Variants in AKAP6 observed in about 807,000 individuals in gnomAD.
The protein encoded by AKAP6 is A-kinase anchor protein 6.
A neutral mutation model predicts 188.5 loss-of-function variants in AKAP6; 58 were observed. The ratio of observed to expected loss-of-function variants is 0.31; its 90% CI spans 0.25 to 0.38. The LOEUF is 0.38. Ranked by LOEUF, AKAP6 falls within the 10% of genes least tolerant of loss-of-function variation. AKAP6 has a pLI of 1.00. For missense variants in AKAP6, 2,710 were observed against 2,740.0 expected (o/e 0.99, Z 0.24); for synonymous variants, 989 against 998.6 (o/e 0.99, Z 0.18).
At chr14:32,720,707 A>C (rs1413623541) in intron 9 of AKAP6, among the ~76,000 whole-genome samples, 1 of 152,148 alleles carries the variant, frequency 6.6e-6, no homozygotes, top group East Asian at 1.9e-4. Flanking sequence ...TGCTGAGTGC[A>C]GTGGCATGCA....
Position 32,832,219 on chromosome 14 carries a change from G to T in AKAP6, c.*2414G>T, listed in dbSNP as rs575748916. On this transcript the variant is annotated 3_prime_UTR_variant, in exon 14 of 14. Transcript: ENST00000280979. Reference sequence around the variant, plus strand: ...AAGTTTGCAATAACAGAGTACACAAGTATAGTGGCCCAGGATGTAGTGAAA... The same window carrying T: ...AAGTTTGCAATAACAGAGTACACAATTATAGTGGCCCAGGATGTAGTGAAA... The T allele has an allele frequency of 5.9e-5, 9 of 152,130 alleles. No homozygotes were observed. The highest frequency in any genetic ancestry group is 2.2e-4 in the African/African-American group (9 of 41,512). 9.4% of individuals were successfully genotyped at this position (152,130 alleles called of 1,614,324 possible).
At chr14:32,444,723 T>C (rs952604002) in intron 2 of AKAP6, among the ~76,000 whole-genome samples, 6 of 111,488 alleles carry the variant, frequency 5.4e-5, no homozygotes, top group African/African-American at 2.1e-4. Context: ...CTTTGGCAAA[T>C]TATGAAGAAG....
chr14:32,334,934 G>T (rs72666125), intron 1 of AKAP6, among the ~76,000 whole-genome samples: 8,675 of 152,276 alleles, frequency 0.057, 368 homozygotes, highest in South Asian at 0.12. Flanking sequence ...GGGAGAGAAT[G>T]TGGAACCTTT....
At chr14:32,635,880 T>C (rs75093649) in intron 7 of AKAP6, among the ~76,000 whole-genome samples, 1,557 of 152,206 alleles carry the variant, frequency 0.01, 22 homozygotes, top group African/African-American at 0.036. Flanking sequence ...TAGGATATTA[T>C]AAAGCCATGT....
At chr14:32,631,829 G>A (rs1166722168) in intron 7 of AKAP6, among the ~76,000 whole-genome samples, 1 of 152,094 alleles carries the variant, frequency 6.6e-6, no homozygotes, top group Admixed American at 6.6e-5. Flanking sequence ...CACTCTGGAT[G>A]TGGTTAGGCT....
At chr14:32,535,954 A>G in intron 3 of AKAP6, 149 bp downstream of exon 3, 2 of 1,212,130 alleles carry the variant, frequency 1.6e-6, no homozygotes, top group East Asian at 2.4e-5. Flanking sequence ...ACTAGAAGCT[A>G]GGGCACTTCC....
chr14:32,752,027 T>C (rs951374071), intron 11 of AKAP6, among the ~76,000 whole-genome samples: 14 of 152,236 alleles, frequency 9.2e-5, no homozygotes, highest in African/African-American at 3.4e-4. Context: ...TTGATTTTTC[T>C]GTCCCTTTTT....
At chr14:32,379,125 TG>T (rs1158526819) in intron 1 of AKAP6, among the ~76,000 whole-genome samples, 3 of 152,112 alleles carry the variant, frequency 2.0e-5, no homozygotes, top group Non-Finnish European at 4.4e-5. Flanking sequence ...TTCACCATGT[TG>T]GCCAGGCTGG....
intron 7 of AKAP6, 104 bp downstream of exon 7, chr14:32,600,896 G>A: frequency 9.1e-7 from 1 of 1,104,032 alleles, no homozygotes; most frequent in Non-Finnish European, 1.2e-6. Context: ...TGTTTCTACT[G>A]GGTAAACTTT....
intron 1 of AKAP6, chr14:32,373,210 G>A (rs1254566815): frequency 6.6e-6 from 1 of 152,098 alleles, no homozygotes; most frequent in Non-Finnish European, 1.5e-5. Flanking sequence ...AATTCACACA[G>A]AGCCAGCTGT....
intron 2 of AKAP6, among the ~76,000 whole-genome samples, chr14:32,469,000 T>C (rs1878616905): frequency 1.3e-5 from 2 of 152,186 alleles, no homozygotes; most frequent in Non-Finnish European, 2.9e-5. Flanking sequence ...TCTACAGTAA[T>C]GAATGCTATT....
chr14:32,629,262 T>C (rs1292302273), intron 7 of AKAP6, among the ~76,000 whole-genome samples: 2 of 152,074 alleles, frequency 1.3e-5, no homozygotes, highest in Admixed American at 6.6e-5. Flanking sequence ...GAATTGATAA[T>C]GGCCTTTTTT....
intron 12 of AKAP6, among the ~76,000 whole-genome samples, chr14:32,790,121 C>G (rs550240896): frequency 6.6e-6 from 1 of 152,128 alleles, no homozygotes; most frequent in Non-Finnish European, 1.5e-5. Flanking sequence ...GAAAGAATCT[C>G]AGAGCCTGAA....
Position 32,823,274 on chromosome 14 carries a change from G to A in AKAP6, c.5461G>A (p.Val1821Ile), listed in dbSNP as rs996541672. ...GACAAGAGATAAGAAAAGGTGCAATGTCAGTGATGAGATGAAGGGCAGTAA... is the reference window on the plus strand; with the variant it reads ...GACAAGAGATAAGAAAAGGTGCAATATCAGTGATGAGATGAAGGGCAGTAA... Reference protein sequence around the residue: ...SLTRDKKRCNVSDEMKGSKDI... With the variant: ...SLTRDKKRCNISDEMKGSKDI... Residue 1821 changes from valine (V) to isoleucine (I), a missense_variant, in exon 13 of 14, where the codon GTC becomes ATC. This residue lies in a region of AKAP6 where 2,473 missense variants were observed against 2,426.1 expected (regional missense o/e 1.02). Transcript: ENST00000280979. 1.9e-6 allele frequency: 3 copies of A among 1,613,812 alleles called. No homozygotes were observed. Among genetic ancestry groups the A allele is most frequent in the African/African-American group, 2.7e-5 (2 of 74,996 alleles).
intron 9 of AKAP6, among the ~76,000 whole-genome samples, chr14:32,728,348 T>TTCTA (rs143615571): frequency 0.11 from 16,183 of 140,930 alleles, 955 homozygotes; most frequent in Middle Eastern, 0.14. Context: ...TCTCAGTGTA[T>TTCTA]TCTATCTATC....
intron 5 of AKAP6, among the ~76,000 whole-genome samples, chr14:32,591,835 T>A (rs1885501204): frequency 6.6e-6 from 1 of 152,224 alleles, no homozygotes; most frequent in African/African-American, 2.4e-5. Context: ...CCACTTCATT[T>A]TGTTGGGGAA....
At chr14:32,795,447 A>G (rs571326277) in intron 12 of AKAP6, among the ~76,000 whole-genome samples, 4 of 152,298 alleles carry the variant, frequency 2.6e-5, no homozygotes, top group African/African-American at 9.6e-5. Context: ...CACCACAATC[A>G]AGTCACCTTT....
At chr14:32,826,375 A>G (rs1343588959) in intron 13 of AKAP6, among the ~76,000 whole-genome samples, 2 of 152,220 alleles carry the variant, frequency 1.3e-5, no homozygotes, top group African/African-American at 4.8e-5. Flanking sequence ...CTCCATCAGT[A>G]TGCAGTAAAA....
chr14:32,677,622 T>C (rs912612707), intron 7 of AKAP6, among the ~76,000 whole-genome samples: 1 of 152,226 alleles, frequency 6.6e-6, no homozygotes, highest in Non-Finnish European at 1.5e-5. Flanking sequence ...ATAAAGCATC[T>C]ATTCAATACA....
Sources: gnomAD v4.1 joint callset for allele counts (sites outside exome capture counted in the v4.1 genomes callset) on GRCh38, gnomAD v4.1.1 for gene constraint, gnomAD v4.1.1 regional missense constraint, MANE v1.5 for transcripts, NCBI Gene and HGNC (gene_info 2026-07-23, HGNC 2026-07-21) for gene names.